Variants in LRRIQ1 observed in about 807,000 individuals in gnomAD.
The protein encoded by LRRIQ1 is leucine rich repeats and IQ motif containing 1, also known as leucine-rich repeat- and IQ domain-containing protein 1.
Under a neutral mutation model 211.9 loss-of-function variants are expected in LRRIQ1, and 210 were observed. That is an observed-to-expected ratio of 0.99 (90% CI 0.89 to 1.11). The LOEUF (loss-of-function observed/expected upper bound fraction) is 1.11, where lower values mean the gene tolerates loss of function less well. LRRIQ1 is among the 50% of genes most tolerant of loss of function. The pLI, the probability that LRRIQ1 is intolerant of heterozygous loss-of-function variation, is 0.00. For missense variants in LRRIQ1, 2,136 were observed against 1,939.5 expected (o/e 1.10, Z -1.90); for synonymous variants, 699 against 650.1 (o/e 1.08, Z -1.14).
downstream of LRRIQ1, among the ~76,000 whole-genome samples, chr12:85,249,984 T>A (rs1253239380): frequency 6.6e-6 from 1 of 151,886 alleles, no homozygotes; most frequent in East Asian, 1.9e-4. Flanking sequence ...TGTACTAATT[T>A]TTTTTTTATT....
chr12:85,257,296 T>C (rs962252811), intron 1 of LRRIQ1, among the ~76,000 whole-genome samples: 1 of 142,582 alleles, frequency 7.0e-6, no homozygotes, highest in Non-Finnish European at 1.5e-5. Context: ...TATGCCATTG[T>C]TCTTTAATTA....
At chr12:85,078,562 T>A (rs183800464) in intron 11 of LRRIQ1, among the ~76,000 whole-genome samples, 21 of 152,220 alleles carry the variant, frequency 1.4e-4, no homozygotes, top group African/African-American at 5.1e-4. Context: ...TCTTATATAT[T>A]TTTTTACTTT....
chr12:85,037,315 A>G (rs1346190821), intron 1 of LRRIQ1, among the ~76,000 whole-genome samples: 3 of 151,880 alleles, frequency 2.0e-5, no homozygotes, highest in South Asian at 4.1e-4. Flanking sequence ...TACCTCCACC[A>G]TACTCTCCTG....
At chr12:85,131,760 G>A (rs996682565) in intron 18 of LRRIQ1, among the ~76,000 whole-genome samples, 29 of 151,996 alleles carry the variant, frequency 1.9e-4, no homozygotes, top group African/African-American at 6.8e-4. Flanking sequence ...ATGATAGTTG[G>A]AGAACAAAAA....
intron 26 of LRRIQ1, among the ~76,000 whole-genome samples, chr12:85,241,805 A>G (rs990451745): frequency 6.6e-6 from 1 of 151,992 alleles, no homozygotes; most frequent in Admixed American, 6.6e-5. Flanking sequence ...CAAAAAGACA[A>G]TACTTTTAAA....
At chr12:85,245,499 T>A (rs1219969647), downstream of LRRIQ1, among the ~76,000 whole-genome samples, 1 of 135,120 alleles carries the variant, frequency 7.4e-6, no homozygotes, top group Non-Finnish European at 1.5e-5. Flanking sequence ...ATATTAAATA[T>A]ATAATACATT....
At chr12:85,181,416 T>G (rs1891975505) in intron 24 of LRRIQ1, among the ~76,000 whole-genome samples, 1 of 151,876 alleles carries the variant, frequency 6.6e-6, no homozygotes, top group Non-Finnish European at 1.5e-5. Flanking sequence ...TTATCAATAT[T>G]ATAGGGAAAT....
Position 85,154,011 on chromosome 12 carries a change from G to C in LRRIQ1, c.4638-1G>C. 1 of 1,536,798 alleles carries C rather than the reference G, an allele frequency of 6.5e-7. No individual in the cohort carries two copies. Among genetic ancestry groups the C allele is most frequent in the Non-Finnish European group, 8.7e-7 (1 of 1,143,982 alleles). ...CTTTATTATATTTAATCTTTTAATAGGGGCTTTAAGGATATTTCTACTGCT... is the reference window on the plus strand; with the variant it reads ...CTTTATTATATTTAATCTTTTAATACGGGCTTTAAGGATATTTCTACTGCT... On this transcript the variant is annotated splice_acceptor_variant, in intron 22 of 26. Coordinates refer to ENST00000393217, the MANE Select transcript of LRRIQ1 (RefSeq NM_001079910.2). LOFTEE classifies it high-confidence loss of function.
At chr12:85,198,078 A>C (rs1171364342) in intron 24 of LRRIQ1, among the ~76,000 whole-genome samples, 1 of 109,722 alleles carries the variant, frequency 9.1e-6, no homozygotes, top group Non-Finnish European at 1.7e-5. Flanking sequence ...TTATTTATAT[A>C]TAATTTATTA....
Position 85,124,519 on chromosome 12 carries a change from T to C in LRRIQ1, c.4007T>C (p.Ile1336Thr). The stretch of plus-strand genomic sequence containing the variant: ...CAAAATATTGAGCCTAGTGAAAAAA[T>C]GTAAGATATATAAATAATGTTTCTT... ...NHQNIEPSEK[I>T]MAAVVIQSYW... is the part of the protein sequence containing the mutation. Residue 1336 changes from isoleucine to threonine, a missense_variant and splice_region_variant, in exon 17 of 27, where the codon ATT becomes ACT. Transcript: ENST00000393217. The C allele has an allele frequency of 1.9e-6, 3 of 1,597,686 alleles. No homozygotes were observed. The highest frequency in any genetic ancestry group is 2.6e-6 in the Non-Finnish European group (3 of 1,169,088).
At chr12:85,221,107 T>A (rs1215179224) in intron 24 of LRRIQ1, among the ~76,000 whole-genome samples, 2 of 152,084 alleles carry the variant, frequency 1.3e-5, no homozygotes, top group Non-Finnish European at 2.9e-5. Flanking sequence ...CCACCACGCC[T>A]GGCCTGGTTT....
intron 23 of LRRIQ1, among the ~76,000 whole-genome samples, chr12:85,154,574 A>G (rs879698480): frequency 1.3e-5 from 2 of 151,376 alleles, no homozygotes; most frequent in African/African-American, 2.4e-5. Flanking sequence ...AGGACTTGCG[A>G]AATGTTCTAA....
At chr12:85,160,541 G>T in intron 23 of LRRIQ1, 72 bp from the exon 24 acceptor site, 1 of 844,774 alleles carries the variant, frequency 1.2e-6, no homozygotes, top group Non-Finnish European at 1.9e-6. Context: ...CACCATATAA[G>T]AAATATGTGG....
At chr12:85,160,747 A>G in intron 24 of LRRIQ1, 33 bp downstream of exon 24, 3 of 1,186,464 alleles carry the variant, frequency 2.5e-6, no homozygotes, top group Non-Finnish European at 3.6e-6. Context: ...TAGAGAGGTA[A>G]AAAGATAAAG....
At position 85,081,725 on chromosome 12, in the gene LRRIQ1, T is replaced by TC. The variant is rs200773950; in HGVS notation, c.2887+8627_2887+8628insC. Among the ~76,000 whole-genome samples, 1,288 of 117,900 alleles carry TC rather than the reference T, an allele frequency of 0.011. 45 individuals carry two copies. In the East Asian group the frequency reaches 0.16, roughly 15 times the overall value. 77.3% of individuals were successfully genotyped at this position (117,900 alleles called of 152,430 possible). On this transcript the variant is annotated intron_variant, in intron 11 of 26. Transcript: ENST00000393217. ...TATGCCCTTTATTTCTTCTTCTTCTTTTTTTTTTTTTTTTTTTTGAGACAG... is the reference window on the plus strand; with the variant it reads ...TATGCCCTTTATTTCTTCTTCTTCTTCTTTTTTTTTTTTTTTTTTGAGACAG...
intron 23 of LRRIQ1, 99 bp downstream of exon 23, chr12:85,154,193 A>G (rs941359868): frequency 1.7e-6 from 1 of 582,682 alleles, no homozygotes; most frequent in Non-Finnish European, 2.7e-6. Flanking sequence ...AAGAACAGTA[A>G]TCAATTCACA....
chr12:85,133,287 T>C (rs75622976), intron 18 of LRRIQ1, among the ~76,000 whole-genome samples: 3,967 of 152,168 alleles, frequency 0.026, 89 homozygotes, highest in Non-Finnish European at 0.043. Flanking sequence ...ATTTTGTAGG[T>C]TGGGTAAAAA....
chr12:85,051,245 G>T (rs1880276596), intron 6 of LRRIQ1, among the ~76,000 whole-genome samples: 1 of 151,966 alleles, frequency 6.6e-6, no homozygotes. Flanking sequence ...CTTCCACCGT[G>T]AGTAAAAGCA....
intron 15 of LRRIQ1, among the ~76,000 whole-genome samples, chr12:85,107,303 C>T (rs867717642): frequency 1.3e-5 from 2 of 151,988 alleles, no homozygotes; most frequent in African/African-American, 2.4e-5. Context: ...AAAAACTGGA[C>T]ATTTTTATCA....
Sources: allele counts gnomAD v4.1 joint callset (sites outside exome capture counted in the v4.1 genomes callset), GRCh38; gene constraint gnomAD v4.1.1; transcripts MANE v1.5; gene names NCBI Gene and HGNC (gene_info 2026-07-23, HGNC 2026-07-21).